The following NUBPL variants were observed in gnomAD, a reference collection of about 807,000 sequenced individuals.
The protein encoded by NUBPL is NUBP iron-sulfur cluster assembly factor, mitochondrial, also known as iron-sulfur cluster transfer protein NUBPL.
NUBPL carries 31 observed loss-of-function variants against 45.7 expected under a neutral mutation model. The observed-to-expected ratio is 0.68, with a 90% CI of 0.51 to 0.92. NUBPL has a LOEUF of 0.92. Among genes scored for constraint, NUBPL ranks in the 40% least tolerant of loss-of-function variants. The pLI, the probability that NUBPL is intolerant of heterozygous loss-of-function variation, is 0.00. For synonymous variants in NUBPL, 144 were observed against 140.9 expected (o/e 1.02, Z -0.15); for missense variants, 401 against 398.7 (o/e 1.01, Z -0.05).
intron 4 of NUBPL, among the ~76,000 whole-genome samples, chr14:31,634,075 T>C (rs1016310383): frequency 2.6e-5 from 4 of 151,538 alleles, no homozygotes; most frequent in African/African-American, 9.7e-5. Flanking sequence ...AATCAGTTCT[T>C]TTTTTTTAAT....
chr14:31,756,021 G>A (rs1253791096), intron 6 of NUBPL, among the ~76,000 whole-genome samples: 6 of 152,028 alleles, frequency 3.9e-5, no homozygotes, highest in Non-Finnish European at 8.8e-5. Flanking sequence ...ATAATGCGGC[G>A]TTATTTCTGA....
intron 6 of NUBPL, among the ~76,000 whole-genome samples, chr14:31,712,425 C>T (rs2037595753): frequency 6.6e-6 from 1 of 152,232 alleles, no homozygotes; most frequent in Non-Finnish European, 1.5e-5. Flanking sequence ...CTGGTTGCGC[C>T]CAGTGCGGGG....
At chr14:31,679,384 GTCTC>G (rs966809236) in intron 6 of NUBPL, among the ~76,000 whole-genome samples, 6 of 151,864 alleles carry the variant, frequency 4.0e-5, no homozygotes, top group Admixed American at 1.3e-4. Flanking sequence ...TTGCTTTGCT[GTCTC>G]TCTCTTATGT....
chr14:31,632,961 T>G (rs1247681050), intron 4 of NUBPL, among the ~76,000 whole-genome samples: 1 of 152,244 alleles, frequency 6.6e-6, no homozygotes, highest in Non-Finnish European at 1.5e-5. Context: ...AAATTATTAA[T>G]AGACATGGAT....
chr14:31,572,681 T>G (rs1389946093), intron 3 of NUBPL, among the ~76,000 whole-genome samples: 7 of 152,208 alleles, frequency 4.6e-5, no homozygotes, highest in African/African-American at 1.7e-4. Flanking sequence ...TCCTGCTTCT[T>G]AAAAGATGAC....
intron 3 of NUBPL, among the ~76,000 whole-genome samples, chr14:31,589,035 T>G (rs2034072573): frequency 6.6e-6 from 1 of 152,150 alleles, no homozygotes; most frequent in Non-Finnish European, 1.5e-5. Flanking sequence ...TTTTTGAACT[T>G]TGAGTGAGAT....
rs138931021 is a variant in NUBPL at position 31,611,675 on chromosome 14, A to G, written c.382+12296A>G. ...ACATTACCTGACTTCAAATTATGCT[A>G]CAGAGCTGTAGTAACCAAAACAGGA... On this transcript the variant is annotated intron_variant, in intron 4 of 10. Transcript: ENST00000281081. 5.2e-3 allele frequency among the ~76,000 whole-genome samples: 786 copies of G among 152,338 alleles called. 4 individuals are homozygous for G. The highest frequency in any genetic ancestry group is 0.018 in the African/African-American group (736 of 41,576).
At chr14:31,719,678 A>G (rs12431783) in intron 6 of NUBPL, among the ~76,000 whole-genome samples, 44,922 of 152,000 alleles carry the variant, frequency 0.3, 7,500 homozygotes, top group South Asian at 0.41. Flanking sequence ...TTTTGTAAAT[A>G]AAAAAGTCTT....
intron 4 of NUBPL, among the ~76,000 whole-genome samples, chr14:31,666,251 A>ATT (rs2036414912): frequency 3.3e-5 from 1 of 30,390 alleles, no homozygotes; most frequent in Non-Finnish European, 7.1e-5. Context: ...ATATATATAT[A>ATT]TATATATATA....
chr14:31,832,948 A>G (rs554670445), intron 8 of NUBPL, among the ~76,000 whole-genome samples: 17 of 152,224 alleles, frequency 1.1e-4, no homozygotes, highest in Middle Eastern at 6.3e-3. Context: ...TAAGCACTCA[A>G]TGTTTACATA....
chr14:31,826,471 A>T (rs1406312977), intron 7 of NUBPL, among the ~76,000 whole-genome samples, 158 bp from the exon 8 acceptor site: 1 of 152,178 alleles, frequency 6.6e-6, no homozygotes, highest in Non-Finnish European at 1.5e-5. Flanking sequence ...AACAAAGTCG[A>T]CATTTTCTTG....
At chr14:31,655,081 A>G (rs2036109768) in intron 4 of NUBPL, among the ~76,000 whole-genome samples, 1 of 152,170 alleles carries the variant, frequency 6.6e-6, no homozygotes. Context: ...AGTGTCATCC[A>G]TGAGGGTTGG....
chr14:31,792,919 C>T (rs750933579), intron 7 of NUBPL, among the ~76,000 whole-genome samples: 2 of 152,168 alleles, frequency 1.3e-5, no homozygotes, highest in Non-Finnish European at 2.9e-5. Flanking sequence ...CAAAGAATTG[C>T]TGGCCTGGCT....
intron 6 of NUBPL, among the ~76,000 whole-genome samples, chr14:31,773,411 A>C (rs1164013656): frequency 1.3e-5 from 2 of 152,114 alleles, no homozygotes; most frequent in Non-Finnish European, 2.9e-5. Flanking sequence ...GATATTGTGG[A>C]GGTATGGATC....
intron 4 of NUBPL, among the ~76,000 whole-genome samples, chr14:31,662,608 G>A (rs2036300159): frequency 6.6e-6 from 1 of 152,162 alleles, no homozygotes; most frequent in Non-Finnish European, 1.5e-5. Context: ...TGCTGAGAAT[G>A]ATGGTTTCCA....
chr14:31,731,974 G>A (rs901007334), intron 6 of NUBPL, among the ~76,000 whole-genome samples: 3 of 151,850 alleles, frequency 2.0e-5, no homozygotes, highest in Admixed American at 6.6e-5. Flanking sequence ...AGGCCGAGGC[G>A]GGCGGATCAC....
intron 3 of NUBPL, among the ~76,000 whole-genome samples, chr14:31,583,708 A>G (rs1450776101): frequency 6.6e-6 from 1 of 152,212 alleles, no homozygotes; most frequent in African/African-American, 2.4e-5. Flanking sequence ...AGGGGATGTT[A>G]GAGTGGATAC....
chr14:31,833,823 C>G (rs1040877532), intron 8 of NUBPL, among the ~76,000 whole-genome samples: 1 of 152,184 alleles, frequency 6.6e-6, no homozygotes, highest in South Asian at 2.1e-4. Flanking sequence ...AGATGTGATA[C>G]ACATACTTCT....
At chr14:31,812,147 T>C (rs1195795050) in intron 7 of NUBPL, among the ~76,000 whole-genome samples, 1 of 152,208 alleles carries the variant, frequency 6.6e-6, no homozygotes, top group Non-Finnish European at 1.5e-5. Flanking sequence ...TCAAACACCA[T>C]GCTGGGAGAA....
Sources: gnomAD v4.1 joint callset for allele counts (sites outside exome capture counted in the v4.1 genomes callset) on GRCh38, gnomAD v4.1.1 for gene constraint, MANE v1.5 for transcripts, NCBI Gene and HGNC (gene_info 2026-07-23, HGNC 2026-07-21) for gene names.